The following OPCML variants were observed in gnomAD, a reference collection of about 807,000 sequenced individuals.
OPCML encodes the protein opioid-binding protein/cell adhesion molecule.
OPCML carries 13 observed loss-of-function variants against 37.8 expected under a neutral mutation model. That is an observed-to-expected ratio of 0.34 (90% CI 0.22 to 0.55). The LOEUF is 0.55. Ranked by LOEUF, OPCML falls within the 20% of genes least tolerant of loss-of-function variation. The pLI, the probability that OPCML is intolerant of heterozygous loss-of-function variation, is 0.91. For missense variants in OPCML, 341 were observed against 435.6 expected (o/e 0.78, Z 1.93); for synonymous variants, 176 against 168.8 (o/e 1.04, Z -0.33).
intron 3 of OPCML, among the ~76,000 whole-genome samples, chr11:132,569,077 A>T (rs1160688263): frequency 2.0e-5 from 3 of 152,196 alleles, no homozygotes; most frequent in African/African-American, 7.2e-5. Flanking sequence ...CAGGTTCGGC[A>T]CTCGCCTGCG....
intron 3 of OPCML, among the ~76,000 whole-genome samples, chr11:132,564,924 G>A (rs1389809459): frequency 6.6e-6 from 1 of 152,148 alleles, no homozygotes; most frequent in Non-Finnish European, 1.5e-5. Flanking sequence ...TCCTGGGAAT[G>A]CCAGTCATTA....
At chr11:133,336,093 T>G (rs1186511531) in intron 1 of OPCML, among the ~76,000 whole-genome samples, 4 of 152,148 alleles carry the variant, frequency 2.6e-5, no homozygotes, top group African/African-American at 7.2e-5. Flanking sequence ...GAAGTGGACT[T>G]CAGAACAAAG....
chr11:133,505,348 C>G lies in OPCML; in HGVS notation c.61+26916G>C, dbSNP rs150699054. Among the ~76,000 whole-genome samples the G allele has an allele frequency of 7.6e-4, 115 of 152,306 alleles. No individual in the cohort carries two copies. The East Asian group carries it at 0.016, about 21-fold the overall frequency. On this transcript the variant is annotated intron_variant, in intron 1 of 7. Coordinates refer to ENST00000524381, the MANE Select transcript of OPCML (RefSeq NM_001012393.5). ...TCCTGGTTTTCTTCAAAAGGTGAGC[C>G]TGGCTACCAGGCAGACTCTCCATGG... is the stretch of plus-strand genomic sequence containing the variant.
chr11:132,516,491 G>T (rs1477539442), intron 4 of OPCML, among the ~76,000 whole-genome samples: 1 of 152,022 alleles, frequency 6.6e-6, no homozygotes, highest in African/African-American at 2.4e-5. Context: ...GTCACTTTTT[G>T]ATCGCCTGCA....
At chr11:132,513,875 A>G (rs1440714881) in intron 4 of OPCML, among the ~76,000 whole-genome samples, 1 of 152,170 alleles carries the variant, frequency 6.6e-6, no homozygotes, top group Admixed American at 6.5e-5. Flanking sequence ...CCTTTCACTA[A>G]ACTTTGAGCT....
intron 2 of OPCML, among the ~76,000 whole-genome samples, chr11:132,692,302 C>T (rs981893443): frequency 7.9e-5 from 12 of 151,828 alleles, no homozygotes; most frequent in African/African-American, 2.9e-4. Flanking sequence ...GCACTAAATT[C>T]ACTCCATATA....
At chr11:133,444,792 T>G (rs528058472) in intron 1 of OPCML, among the ~76,000 whole-genome samples, 1 of 136,192 alleles carries the variant, frequency 7.3e-6, no homozygotes, top group Non-Finnish European at 1.5e-5. Flanking sequence ...GAGTTTTTTG[T>G]TTTTTGGTTT....
At position 132,607,576 on chromosome 11, in the gene OPCML, C is replaced by T. The variant is rs1231356636; in HGVS notation, c.379+49511G>A. Among the ~76,000 whole-genome samples the T allele has an allele frequency of 3.3e-5, 5 of 152,062 alleles. No individual in the cohort carries two copies. The East Asian group carries it at 9.7e-4, about 29-fold the overall frequency. On this transcript the variant is annotated intron_variant, in intron 3 of 7. Coordinates refer to ENST00000524381, the MANE Select transcript of OPCML (RefSeq NM_001012393.5). The stretch of plus-strand genomic sequence containing the variant: ...ATTTGAATCACACAAAGAATAGAGA[C>T]CTAGCCTTAAACCACCTGCTTTTCT...
chr11:132,942,912 G>A lies in OPCML; in HGVS notation c.146+14C>T. ...GCCCAGGGGCTCGGCCCCCGCGGAA[G>A]GACAGCTCCCTACCTGAGGGTGGCG... On this transcript the variant is annotated intron_variant, in intron 2 of 7. Transcript: ENST00000524381. 1 of 1,608,666 alleles carries A rather than the reference G, an allele frequency of 6.2e-7. No individual in the cohort carries two copies. Among genetic ancestry groups the A allele is most frequent in the Non-Finnish European group, 8.5e-7 (1 of 1,177,584 alleles).
intron 1 of OPCML, among the ~76,000 whole-genome samples, chr11:133,082,112 G>C (rs902900174): frequency 6.6e-6 from 1 of 151,954 alleles, no homozygotes; most frequent in Non-Finnish European, 1.5e-5. Flanking sequence ...GCCCAGAGCA[G>C]CTCCCGGCTC....
chr11:133,239,251 C>T (rs572918261), intron 1 of OPCML, among the ~76,000 whole-genome samples: 1 of 152,358 alleles, frequency 6.6e-6, no homozygotes, highest in South Asian at 2.1e-4. Context: ...GACTGAGCTG[C>T]TTGGTGGAGA....
At chr11:132,971,850 C>T (rs113694426) in intron 1 of OPCML, among the ~76,000 whole-genome samples, 1,784 of 152,268 alleles carry the variant, frequency 0.012, 32 homozygotes, top group African/African-American at 0.041. Context: ...GGCCCTAAAA[C>T]CACTAGACCC....
chr11:133,266,722 G>A lies in OPCML; in HGVS notation c.61+265542C>T, dbSNP rs188464145. On this transcript the variant is annotated intron_variant, in intron 1 of 7. Coordinates refer to ENST00000524381, the MANE Select transcript of OPCML (RefSeq NM_001012393.5). ...ATAAATACATGAACACACAGTCCAA[G>A]GGAATGAGGATGGGTTGAGTATAAA... Among the ~76,000 whole-genome samples, 899 of 152,290 alleles carry A rather than the reference G, an allele frequency of 5.9e-3. 8 individuals are homozygous for A. The highest frequency in any genetic ancestry group is 0.021 in the African/African-American group (859 of 41,554).
intron 1 of OPCML, among the ~76,000 whole-genome samples, chr11:133,530,643 G>C (rs532310315): frequency 6.6e-6 from 1 of 152,254 alleles, no homozygotes; most frequent in South Asian, 2.1e-4. Flanking sequence ...GGACCCCCTA[G>C]GATGCTGCTG....
At chr11:132,548,707 T>C (rs1327118532) in intron 3 of OPCML, among the ~76,000 whole-genome samples, 1 of 152,140 alleles carries the variant, frequency 6.6e-6, no homozygotes, top group Non-Finnish European at 1.5e-5. Context: ...AGTGAACTAC[T>C]TGAAGGCTGG....
intron 1 of OPCML, among the ~76,000 whole-genome samples, chr11:133,260,198 G>A (rs1231877950): frequency 1.3e-5 from 2 of 151,910 alleles, no homozygotes; most frequent in Non-Finnish European, 2.9e-5. Context: ...GAAGAAGGTG[G>A]GAGCCGTGCA....
At chr11:133,000,762 T>C (rs1946982899) in intron 1 of OPCML, among the ~76,000 whole-genome samples, 1 of 152,218 alleles carries the variant, frequency 6.6e-6, no homozygotes. Flanking sequence ...ATATGGTTTG[T>C]CCCTTCCAAA....
chr11:132,595,701 G>C (rs11223140), intron 3 of OPCML, among the ~76,000 whole-genome samples: 6,789 of 152,260 alleles, frequency 0.045, 228 homozygotes, highest in Non-Finnish European at 0.07. Flanking sequence ...GACATTTAAA[G>C]GTCTTGGAGG....
chr11:132,441,171 T>TTTTTTTTTTTG lies in OPCML; in HGVS notation c.506-3813_506-3812insCAAAAAAAAAA, dbSNP rs1555122540. Among the ~76,000 whole-genome samples the TTTTTTTTTTTG allele has an allele frequency of 1.1e-3, 131 of 114,618 alleles. 1 individual carries two copies. Among genetic ancestry groups the TTTTTTTTTTTG allele is most frequent in the African/African-American group, 4.2e-3 (124 of 29,208 alleles). 75.2% of individuals were successfully genotyped at this position (114,618 alleles called of 152,430 possible). On this transcript the variant is annotated intron_variant, in intron 4 of 7. Transcript: ENST00000524381. ...GTTCACCAAGGACTTTTTTGTTTTT[T>TTTTTTTTTTTG]TTTTTTTTTTTTTTGAGACGGAGTT...
Sources: allele counts gnomAD v4.1 joint callset (sites outside exome capture counted in the v4.1 genomes callset), GRCh38; gene constraint gnomAD v4.1.1; transcripts MANE v1.5; gene names NCBI Gene and HGNC (gene_info 2026-07-23, HGNC 2026-07-21).